CLPTM1: variants seen among roughly 807,000 people sequenced by gnomAD.
CLPTM1 encodes CLPTM1 regulator of GABA type A receptor forward trafficking.
CLPTM1 carries 21 observed loss-of-function variants against 77.3 expected under a neutral mutation model. That is an observed-to-expected ratio of 0.27 (90% CI 0.19 to 0.39). The LOEUF is 0.39. CLPTM1 is among the 10% of genes least tolerant of loss of function. The pLI is 1.00. For synonymous variants in CLPTM1, 373 were observed against 381.0 expected (o/e 0.98, Z 0.24); for missense variants, 642 against 921.2 (o/e 0.70, Z 3.92).
At chr19:44,989,503 G>T (rs1463183181) in intron 9 of CLPTM1, among the ~76,000 whole-genome samples, 3 of 143,262 alleles carry the variant, frequency 2.1e-5, no homozygotes, top group African/African-American at 7.5e-5. Flanking sequence ...TGGGACAGGG[G>T]TCATTCTGAT....
At chr19:44,974,323 C>G in intron 3 of CLPTM1, 116 bp from the exon 4 acceptor site, 1 of 995,062 alleles carries the variant, frequency 1.0e-6, no homozygotes, top group Non-Finnish European at 1.5e-6. Flanking sequence ...CTCCTCTCCC[C>G]TGTCCTCCAT....
chr19:44,977,726 C>A (rs189741350), intron 5 of CLPTM1, among the ~76,000 whole-genome samples: 25 of 152,284 alleles, frequency 1.6e-4, no homozygotes, highest in Admixed American at 8.5e-4. Context: ...CAGCTGGAGA[C>A]AGGGACTCTT....
At chr19:44,975,057 G>GAGAC (rs10623893) in intron 4 of CLPTM1, among the ~76,000 whole-genome samples, 140,284 of 152,100 alleles carry the variant, frequency 0.92, 64,865 homozygotes, top group Non-Finnish European at 0.96. Context: ...TGAGGAAACT[G>GAGAC]AGAGAGAAGG....
At chr19:44,972,455 T>C (rs931179249) in intron 2 of CLPTM1, among the ~76,000 whole-genome samples, 1 of 151,902 alleles carries the variant, frequency 6.6e-6, no homozygotes, top group Non-Finnish European at 1.5e-5. Context: ...TTCACCATGT[T>C]AGCCAGGATG....
At chr19:44,962,180 G>A in intron 2 of CLPTM1, 105 bp downstream of exon 2, 1 of 537,064 alleles carries the variant, frequency 1.9e-6, no homozygotes, top group Non-Finnish European at 3.1e-6. Flanking sequence ...ATTACTGTAT[G>A]GTAGAGTTGC....
chr19:44,990,600 C>T lies in CLPTM1; in HGVS notation c.1323+15C>T. 1 of 1,610,994 alleles carries T rather than the reference C, an allele frequency of 6.2e-7. No homozygotes were observed. Among genetic ancestry groups the T allele is most frequent in the Non-Finnish European group, 8.5e-7 (1 of 1,177,846 alleles). ...TGGACGTCCGGGTAAGGCTGGGGCGCCATGCTGTCTCGGGAGCTGCAGGGG... is the reference window on the plus strand; with the variant it reads ...TGGACGTCCGGGTAAGGCTGGGGCGTCATGCTGTCTCGGGAGCTGCAGGGG... On this transcript the variant is annotated intron_variant, in intron 10 of 13. Coordinates refer to ENST00000337392, the MANE Select transcript of CLPTM1 (RefSeq NM_001294.4). The surrounding 1 kb of genome is among the most constrained non-coding windows in gnomAD (Gnocchi z 4.8).
intron 2 of CLPTM1, 33 bp downstream of exon 2, chr19:44,962,108 A>C (rs761148490): frequency 8.4e-7 from 1 of 1,189,240 alleles, no homozygotes; most frequent in South Asian, 1.4e-5. Context: ...TGTTCACCGA[A>C]AACATTCAAA....
intron 2 of CLPTM1, among the ~76,000 whole-genome samples, chr19:44,967,202 C>G (rs1327433201): frequency 6.6e-6 from 1 of 152,016 alleles, no homozygotes; most frequent in Non-Finnish European, 1.5e-5. Flanking sequence ...ACCTGTAGTG[C>G]CAGCTATTAG....
Position 44,961,956 on chromosome 19 carries a change from C to T in CLPTM1, c.73-7C>T. The T allele has an allele frequency of 6.3e-7, 1 of 1,595,942 alleles. No homozygotes were observed. Among genetic ancestry groups the T allele is most frequent in the Non-Finnish European group, 8.5e-7 (1 of 1,172,048 alleles). ...TCCCTCCTTACCCTGGCCTCTGTCCCCCACAGGTGACCAGCAATGGCAGCA... is the reference window on the plus strand; with the variant it reads ...TCCCTCCTTACCCTGGCCTCTGTCCTCCACAGGTGACCAGCAATGGCAGCA... On this transcript the variant is annotated splice_polypyrimidine_tract_variant and splice_region_variant and intron_variant, in intron 1 of 13. Coordinates refer to ENST00000337392, the MANE Select transcript of CLPTM1 (RefSeq NM_001294.4).
At position 44,990,343 on chromosome 19, in the gene CLPTM1, G is replaced by GGGTCTCAGCAC. The variant is rs1971049345; in HGVS notation, c.1133-51_1133-41dup. On this transcript the variant is annotated intron_variant, in intron 9 of 13. Transcript: ENST00000337392. This position sits in a 1 kb window ranked among gnomAD's most constrained non-coding sequence, Gnocchi z 4.8. ...AAGGGGGCCTGAGGGAGCTGCAGTA[G>GGGTCTCAGCAC]GGTCTCAGCACCTCCTCAGCCTCCT... is the stretch of plus-strand genomic sequence containing the variant. The GGGTCTCAGCAC allele has an allele frequency of 6.4e-7, 1 of 1,573,816 alleles. No individual in the cohort carries two copies.
At chr19:44,981,152 AT>A (rs542751903) in intron 5 of CLPTM1, among the ~76,000 whole-genome samples, 1 of 136,044 alleles carries the variant, frequency 7.4e-6, no homozygotes, top group African/African-American at 2.8e-5. Flanking sequence ...ATTTTATTTT[AT>A]TTTTTTTTGA....
chr19:44,978,796 TTGG>T, intron 5 of CLPTM1, among the ~76,000 whole-genome samples: 1 of 150,040 alleles, frequency 6.7e-6, no homozygotes, highest in East Asian at 2.0e-4. Flanking sequence ...TACTGGCACA[TTGG>T]GGATTAAGTT....
At chr19:44,959,781 C>T (rs1433729138) in intron 1 of CLPTM1, among the ~76,000 whole-genome samples, 1 of 152,192 alleles carries the variant, frequency 6.6e-6, no homozygotes, top group South Asian at 2.1e-4. Flanking sequence ...TACTTTCCCC[C>T]CTAGCAGCAT....
intron 5 of CLPTM1, among the ~76,000 whole-genome samples, chr19:44,984,811 C>T (rs571113563): frequency 1.5e-4 from 23 of 152,114 alleles, no homozygotes; most frequent in African/African-American, 2.7e-4. Flanking sequence ...CTCAGCCTTC[C>T]GAGTAGCTGG....
chr19:44,974,369 T>C, intron 3 of CLPTM1, 70 bp from the exon 4 acceptor site: 3 of 1,516,792 alleles, frequency 2.0e-6, no homozygotes, highest in Non-Finnish European at 1.8e-6. Context: ...ACCGCTGCCA[T>C]AGCTCTTTAG....
intron 5 of CLPTM1, among the ~76,000 whole-genome samples, chr19:44,978,586 T>C (rs1054893335): frequency 1.3e-4 from 19 of 150,576 alleles, no homozygotes; most frequent in Non-Finnish European, 1.9e-4. Context: ...TGAGCTGTGA[T>C]TGCACTACAG....
In CLPTM1 at chr19:44,969,190, A is replaced by G. The variant is rs572001631; in HGVS notation, c.186-3897A>G. ...ACGTGTGCGTGTGTCAGATGTATAT[A>G]CACGCTATATAAACATATATATAAT... is the stretch of plus-strand genomic sequence containing the variant. On this transcript the variant is annotated intron_variant, in intron 2 of 13. Transcript: ENST00000337392. 5.3e-5 allele frequency among the ~76,000 whole-genome samples: 8 copies of G among 152,330 alleles called. No homozygotes were observed. In the South Asian group the frequency reaches 1.7e-3, roughly 32 times the overall value.
At chr19:44,963,042 CA>C (rs143885749) in intron 2 of CLPTM1, among the ~76,000 whole-genome samples, 2,896 of 149,078 alleles carry the variant, frequency 0.019, 96 homozygotes, top group African/African-American at 0.065. Flanking sequence ...ATAAAAAATA[CA>C]AAAAAAATAC....
At chr19:44,954,600 GTC>G, upstream of CLPTM1, 1 of 1,035,308 alleles carries the variant, frequency 9.7e-7, no homozygotes, top group East Asian at 8.1e-5. Flanking sequence ...CAAACTAAGG[GTC>G]TCTCAGCAGA....
Sources: allele counts gnomAD v4.1 joint callset (sites outside exome capture counted in the v4.1 genomes callset), GRCh38; gene constraint gnomAD v4.1.1; non-coding constraint Gnocchi (gnomAD v3.1); transcripts MANE v1.5; gene names NCBI Gene and HGNC (gene_info 2026-07-23, HGNC 2026-07-21).